Variants in ALCAM observed in about 807,000 individuals in gnomAD.
The protein encoded by ALCAM is CD166 antigen.
Under a neutral mutation model 70.9 loss-of-function variants are expected in ALCAM, and 30 were observed. The ratio of observed to expected loss-of-function variants is 0.42; its 90% CI spans 0.32 to 0.57. ALCAM has a LOEUF of 0.57. ALCAM is among the 20% of genes least tolerant of loss of function. ALCAM has a pLI of 0.11. For synonymous variants in ALCAM, 249 were observed against 242.5 expected, an observed-to-expected ratio of 1.03 and a Z score of -0.25; for missense variants, 591 against 695.1, an observed-to-expected ratio of 0.85 and a Z score of 1.68.
chr3:105,470,972 C>A (rs1937909015), intron 1 of ALCAM, among the ~76,000 whole-genome samples: 1 of 151,194 alleles, frequency 6.6e-6, no homozygotes, highest in Non-Finnish European at 1.5e-5. Context: ...TTAGGGTATA[C>A]TTTTTTAAAC....
At chr3:105,399,319 A>G (rs1325296554) in intron 1 of ALCAM, among the ~76,000 whole-genome samples, 1 of 152,088 alleles carries the variant, frequency 6.6e-6, no homozygotes, top group Non-Finnish European at 1.5e-5. Context: ...TACCTTTCTA[A>G]AAGCTAGTGC....
intron 11 of ALCAM, among the ~76,000 whole-genome samples, chr3:105,548,442 G>A (rs1940307392): frequency 6.6e-6 from 1 of 151,360 alleles, no homozygotes; most frequent in Non-Finnish European, 1.5e-5. Context: ...TGACCCAGTT[G>A]AAATTTGAGA....
chr3:105,388,821 T>C (rs73177480), intron 1 of ALCAM, among the ~76,000 whole-genome samples: 24,533 of 151,558 alleles, frequency 0.16, 2,266 homozygotes, highest in East Asian at 0.38. Context: ...TGTGGATCTT[T>C]AGCTCTTGAG....
At chr3:105,407,999 A>T (rs938355613) in intron 1 of ALCAM, among the ~76,000 whole-genome samples, 14 of 152,098 alleles carry the variant, frequency 9.2e-5, no homozygotes, top group African/African-American at 3.4e-4. Flanking sequence ...GAATATACCT[A>T]ACTAAGGACG....
At chr3:105,520,297 TA>T (rs758073956) in intron 2 of ALCAM, 130 bp downstream of exon 2, 51 of 624,320 alleles carry the variant, frequency 8.2e-5, no homozygotes, top group Non-Finnish European at 1.3e-4. Context: ...TGTAGGAAGG[TA>T]AAATTGTGTG....
At chr3:105,414,722 C>T (rs1478229497) in intron 1 of ALCAM, among the ~76,000 whole-genome samples, 1 of 151,952 alleles carries the variant, frequency 6.6e-6, no homozygotes. Context: ...TATAGGGGGA[C>T]ATAAATTTTA....
At chr3:105,473,228 A>C (rs1937987104) in intron 1 of ALCAM, among the ~76,000 whole-genome samples, 1 of 151,630 alleles carries the variant, frequency 6.6e-6, no homozygotes, top group African/African-American at 2.4e-5. Flanking sequence ...ATGTTTAACC[A>C]AATAAGAGTT....
chr3:105,427,253 A>G (rs1936813528), intron 1 of ALCAM, among the ~76,000 whole-genome samples: 1 of 151,930 alleles, frequency 6.6e-6, no homozygotes, highest in Admixed American at 6.6e-5. Flanking sequence ...TCACCCTTTT[A>G]GGAAAGGACT....
chr3:105,485,495 A>G (rs1395564011), intron 1 of ALCAM, among the ~76,000 whole-genome samples: 1 of 152,022 alleles, frequency 6.6e-6, no homozygotes, highest in African/African-American at 2.4e-5. Context: ...ATATCTAACC[A>G]GTACATTTTA....
chr3:105,404,252 C>T (rs948309584), intron 1 of ALCAM, among the ~76,000 whole-genome samples: 4 of 151,946 alleles, frequency 2.6e-5, no homozygotes, highest in African/African-American at 9.7e-5. Flanking sequence ...CTGGGAAATT[C>T]GTTGCAAAAA....
chr3:105,367,539 G>T, intron 1 of ALCAM, 58 bp downstream of exon 1: 1 of 1,596,136 alleles, frequency 6.3e-7, no homozygotes, highest in Non-Finnish European at 8.6e-7. Context: ...AGTTTCCTAG[G>T]TCCCCGTCCC....
intron 1 of ALCAM, among the ~76,000 whole-genome samples, chr3:105,408,496 C>T (rs1335073963): frequency 6.6e-6 from 1 of 152,000 alleles, no homozygotes; most frequent in African/African-American, 2.4e-5. Flanking sequence ...ATTGGCAAGC[C>T]ACATGTGGAA....
At chr3:105,402,913 TC>T (rs1277277357) in intron 1 of ALCAM, among the ~76,000 whole-genome samples, 4 of 151,602 alleles carry the variant, frequency 2.6e-5, no homozygotes, top group African/African-American at 9.7e-5. Context: ...GTTTGCATCT[TC>T]TCTATAGGAT....
At chr3:105,380,994 T>A (rs958249182) in intron 1 of ALCAM, among the ~76,000 whole-genome samples, 1 of 151,940 alleles carries the variant, frequency 6.6e-6, no homozygotes, top group Admixed American at 6.6e-5. Flanking sequence ...AGCCAAATTG[T>A]TTAGTTTTGA....
chr3:105,408,879 C>T (rs1161620021), intron 1 of ALCAM, among the ~76,000 whole-genome samples: 4 of 151,766 alleles, frequency 2.6e-5, no homozygotes, highest in African/African-American at 7.2e-5. Context: ...CATCAAAAAG[C>T]GGGCTAAGGA....
At chr3:105,383,130 T>C (rs1212315171) in intron 1 of ALCAM, among the ~76,000 whole-genome samples, 1 of 151,730 alleles carries the variant, frequency 6.6e-6, no homozygotes, top group African/African-American at 2.4e-5. Context: ...CGTGTATCCC[T>C]ATCCTTCAGA....
intron 1 of ALCAM, among the ~76,000 whole-genome samples, chr3:105,393,903 G>T (rs1045407335): frequency 6.6e-6 from 1 of 151,772 alleles, no homozygotes; most frequent in African/African-American, 2.4e-5. Flanking sequence ...TTTTCCACAT[G>T]ATTTGGAATT....
intron 1 of ALCAM, among the ~76,000 whole-genome samples, chr3:105,464,319 A>G (rs948915004): frequency 6.6e-6 from 1 of 151,360 alleles, no homozygotes; most frequent in East Asian, 1.9e-4. Flanking sequence ...CCAAACAGAT[A>G]AAATTTCTAT....
chr3:105,386,386 A>C (rs1935655421), intron 1 of ALCAM, among the ~76,000 whole-genome samples: 1 of 151,628 alleles, frequency 6.6e-6, no homozygotes, highest in Admixed American at 6.6e-5. Flanking sequence ...GCTGGCATAA[A>C]TGGATTTGGT....
Sources: allele counts gnomAD v4.1 joint callset (sites outside exome capture counted in the v4.1 genomes callset), GRCh38; gene constraint gnomAD v4.1.1; transcripts MANE v1.5; gene names NCBI Gene and HGNC (gene_info 2026-07-23, HGNC 2026-07-21).